Variants in BRSK2 observed in about 807,000 individuals in gnomAD.
BRSK2 encodes the protein serine/threonine-protein kinase BRSK2.
Under a neutral mutation model 83.3 loss-of-function variants are expected in BRSK2, and 19 were observed. The ratio of observed to expected loss-of-function variants is 0.23; its 90% CI spans 0.16 to 0.33. The LOEUF (loss-of-function observed/expected upper bound fraction) is 0.33, where lower values mean the gene tolerates loss of function less well. Among genes scored for constraint, BRSK2 ranks in the 10% least tolerant of loss-of-function variants. The pLI is 1.00. For missense variants in BRSK2, 798 were observed against 1,042.3 expected (o/e 0.77, Z 3.23); for synonymous variants, 519 against 435.4 (o/e 1.19, Z -2.39).
In BRSK2 at chr11:1,445,350, G is replaced by A. The variant is rs1204118010; in HGVS notation, c.869G>A (p.Arg290His). Residue 290 changes from arginine to histidine, a missense_variant, in exon 10 of 20, where the codon CGC becomes CAC. Coordinates refer to ENST00000528841, the MANE Select transcript of BRSK2 (RefSeq NM_001256627.2). ...EQPIPRKVQI[R>H]SLPSLEDIDP... ...CCCATTCCTCGCAAGGTGCAGATCC[G>A]CTCGCTGCCCAGCCTGGAGGACATC... 6.8e-6 allele frequency: 11 copies of A among 1,611,654 alleles called. No homozygotes were observed. Among genetic ancestry groups the A allele is most frequent in the Admixed American group, 1.7e-5 (1 of 59,920 alleles).
chr11:1,418,786 G>C (rs1420075916), intron 1 of BRSK2, among the ~76,000 whole-genome samples: 1 of 152,274 alleles, frequency 6.6e-6, no homozygotes, highest in African/African-American at 2.4e-5. Context: ...CCCTGCCTGT[G>C]TTGGGCATGT....
At chr11:1,406,094 G>A (rs1238533639) in intron 1 of BRSK2, among the ~76,000 whole-genome samples, 5 of 151,962 alleles carry the variant, frequency 3.3e-5, no homozygotes, top group Admixed American at 6.5e-5. Context: ...GGTGTCCCTC[G>A]GCCAGCGGCT....
chr11:1,456,422 C>G lies in BRSK2; in HGVS notation c.1743C>G (p.Ala581=), dbSNP rs544772572. 6.3e-7 allele frequency: 1 copy of G among 1,599,062 alleles called. No homozygotes were observed. Among genetic ancestry groups the G allele is most frequent in the Non-Finnish European group, 8.5e-7 (1 of 1,173,894 alleles). ...AGTACAAGGCCACGGGGGGGCCAGC[C>G]GTGTTCCAGAAGCCGGTCAAGTTCC... ...RAEYKATGGP[A]VFQKPVKFQV... The change falls in exon 17 of 20, where the codon GCC becomes GCG. Residue 581 remains alanine (A), a synonymous_variant. Coordinates refer to ENST00000528841, the MANE Select transcript of BRSK2 (RefSeq NM_001256627.2).
intron 1 of BRSK2, among the ~76,000 whole-genome samples, chr11:1,394,342 T>C (rs1475010331): frequency 2.8e-5 from 2 of 70,742 alleles, no homozygotes; most frequent in East Asian, 5.2e-4. Flanking sequence ...TGGAGATGGG[T>C]CCTGGAGATG....
chr11:1,418,756 G>GCCC (rs1374095271), intron 1 of BRSK2, among the ~76,000 whole-genome samples: 1 of 152,272 alleles, frequency 6.6e-6, no homozygotes, highest in East Asian at 1.9e-4. Flanking sequence ...TGAAGTAGGA[G>GCCC]CTGTCATCCT....
At chr11:1,436,750 C>T (rs978419602) in intron 2 of BRSK2, among the ~76,000 whole-genome samples, 5 of 151,960 alleles carry the variant, frequency 3.3e-5, no homozygotes, top group Admixed American at 6.5e-5. Context: ...GGGCTGGCAG[C>T]GTGCGACCCT....
chr11:1,403,240 T>C (rs1266130831), intron 1 of BRSK2, among the ~76,000 whole-genome samples: 2 of 152,138 alleles, frequency 1.3e-5, no homozygotes, highest in African/African-American at 4.8e-5. Context: ...CTGGCCAGCC[T>C]TGTCTGCTGG....
At position 1,460,773 on chromosome 11, in the gene BRSK2, G is replaced by C; in HGVS notation, c.*50G>C. 2 of 1,364,540 alleles carry C rather than the reference G, an allele frequency of 1.5e-6. No homozygotes were observed. Among genetic ancestry groups the C allele is most frequent in the Non-Finnish European group, 1.9e-6 (2 of 1,066,410 alleles). The allele number at this position is 1,364,540 out of a possible 1,614,324, so 84.5% of individuals were successfully genotyped here. On this transcript the variant is annotated 3_prime_UTR_variant, in exon 20 of 20. Coordinates refer to ENST00000528841, the MANE Select transcript of BRSK2 (RefSeq NM_001256627.2). ...CAGCACTGACAGCGGCTGCCTCGCC[G>C]CCCGCCGCCCGCCCTGCCCCGAGTG...
At chr11:1,433,820 C>A (rs1054928577) in intron 1 of BRSK2, among the ~76,000 whole-genome samples, 28 of 152,230 alleles carry the variant, frequency 1.8e-4, no homozygotes, top group Admixed American at 1.8e-3. Flanking sequence ...GAGGCCACCC[C>A]CCACCCCTGG....
chr11:1,438,293 C>T lies in BRSK2; in HGVS notation c.187-13C>T, dbSNP rs201784178. 9 of 1,612,630 alleles carry T rather than the reference C, an allele frequency of 5.6e-6. No individual in the cohort carries two copies. The highest frequency in any genetic ancestry group is 7.6e-6 in the Non-Finnish European group (9 of 1,178,686). On this transcript the variant is annotated splice_polypyrimidine_tract_variant and intron_variant, in intron 2 of 19. Transcript: ENST00000528841. This position sits in a 1 kb window ranked among gnomAD's most constrained non-coding sequence, Gnocchi z 6.4. ...CCCTGTGAGCGTGATGTTCTCTGGC[C>T]TCTCCCATGCAGGTGGAGCGGGAGA... is the stretch of plus-strand genomic sequence containing the variant.
chr11:1,461,409 C>G lies in BRSK2; in HGVS notation c.*686C>G, dbSNP rs1034594404. 1.9e-5 allele frequency: 5 copies of G among 257,204 alleles called. No individual in the cohort carries two copies. Among genetic ancestry groups the G allele is most frequent in the Non-Finnish European group, 3.7e-5 (5 of 134,320 alleles). The allele number at this position is 257,204 out of a possible 1,614,324, so 15.9% of individuals were successfully genotyped here. ...GGCTGCCTCCCGTCCTCTCGTCTCA[C>G]CCGCGCCTCCCTTGCCTCATCTGGG... On this transcript the variant is annotated 3_prime_UTR_variant, in exon 20 of 20. Transcript: ENST00000528841.
rs537785404 is a variant in BRSK2 at position 1,450,261 on chromosome 11, C to T, written c.1288-326C>T. 2.1e-3 allele frequency among the ~76,000 whole-genome samples: 318 copies of T among 151,982 alleles called. 3 individuals carry two copies. Among genetic ancestry groups the T allele is most frequent in the Middle Eastern group, 0.014 (4 of 294 alleles). ...GTCCTGCCCCCACCGCCCCCCGAGC[C>T]GCCCTTCGTGGCCCGCCCCCTGGCC... On this transcript the variant is annotated intron_variant, in intron 13 of 19. Coordinates refer to ENST00000528841, the MANE Select transcript of BRSK2 (RefSeq NM_001256627.2).
In BRSK2 at chr11:1,449,822, C is replaced by T; in HGVS notation, c.1273C>T (p.Leu425Phe). The change falls in exon 13 of 20, where the codon CTC (leucine) becomes TTC (phenylalanine). Residue 425 changes from leucine (L) to phenylalanine (F), a missense_variant. This residue lies in a region of BRSK2 where 455 missense variants were observed against 455.2 expected (regional missense o/e 1.00). Coordinates refer to ENST00000528841, the MANE Select transcript of BRSK2 (RefSeq NM_001256627.2). ...CTCCTCAGGCCTTTCCACCAGCCCA[C>T]TCAGCAGCCCCCGGGTGAGTGACCC... is the stretch of plus-strand genomic sequence containing the variant. ...GASSGLSTSP[L>F]SSPRVTPHPS... 1 of 1,612,002 alleles carries T rather than the reference C, an allele frequency of 6.2e-7. No homozygotes were observed. Among genetic ancestry groups the T allele is most frequent in the Non-Finnish European group, 8.5e-7 (1 of 1,179,418 alleles).
chr11:1,418,287 C>A (rs1848309235), intron 1 of BRSK2, among the ~76,000 whole-genome samples: 1 of 144,590 alleles, frequency 6.9e-6, no homozygotes, highest in African/African-American at 2.7e-5. Context: ...GAGTGGGTCA[C>A]CTGTGTCCTG....
intron 12 of BRSK2, 80 bp downstream of exon 12, chr11:1,445,987 A>G (rs1851998663): frequency 8.1e-6 from 12 of 1,472,404 alleles, no homozygotes; most frequent in Non-Finnish European, 9.9e-6. Context: ...ATCGCTACCC[A>G]TTGGCCTGGG....
At chr11:1,420,748 TGGCCTGCCTGGGG>T in intron 1 of BRSK2, among the ~76,000 whole-genome samples, 1 of 152,208 alleles carries the variant, frequency 6.6e-6, no homozygotes, top group Non-Finnish European at 1.5e-5. Context: ...ACCCTCTTTG[TGGCCTGCCTGGGG>T]GACTCCTCTG....
chr11:1,402,794 A>G lies in BRSK2; in HGVS notation c.91+12419A>G, dbSNP rs552465194. Among the ~76,000 whole-genome samples the G allele has an allele frequency of 3.3e-5, 5 of 152,194 alleles. No homozygotes were observed. The East Asian group carries it at 9.7e-4, about 30-fold the overall frequency. On this transcript the variant is annotated intron_variant, in intron 1 of 19. Coordinates refer to ENST00000528841, the MANE Select transcript of BRSK2 (RefSeq NM_001256627.2). Reference sequence around the variant, plus strand: ...GGAGTGGAGTGGGGGCAGCTGACACACGGGGAGGGAACAGGCCCCCAGCAG... The same window carrying G: ...GGAGTGGAGTGGGGGCAGCTGACACGCGGGGAGGGAACAGGCCCCCAGCAG...
At chr11:1,392,423 T>C (rs1356388251) in intron 1 of BRSK2, among the ~76,000 whole-genome samples, 2 of 152,184 alleles carry the variant, frequency 1.3e-5, no homozygotes, top group African/African-American at 2.4e-5. Flanking sequence ...TCCAGCCCCT[T>C]CCCCGTGTCT....
chr11:1,422,773 A>C (rs1848758962), intron 1 of BRSK2, among the ~76,000 whole-genome samples: 1 of 152,022 alleles, frequency 6.6e-6, no homozygotes, highest in African/African-American at 2.4e-5. Flanking sequence ...CCAGAGTCTC[A>C]GTTTTGCCAG....
Sources: gnomAD v4.1 joint callset for allele counts (sites outside exome capture counted in the v4.1 genomes callset) on GRCh38, gnomAD v4.1.1 for gene constraint, gnomAD v4.1.1 regional missense constraint, Gnocchi (gnomAD v3.1) non-coding constraint, MANE v1.5 for transcripts, NCBI Gene and HGNC (gene_info 2026-07-23, HGNC 2026-07-21) for gene names.